The following AIM2 variants were observed in gnomAD, a reference collection of about 807,000 sequenced individuals.
AIM2 encodes the protein interferon-inducible protein AIM2.
In AIM2, 30 loss-of-function variants were observed where a neutral mutation model predicts 27.7. The observed-to-expected ratio is 1.08, with a 90% confidence interval of 0.81 to 1.47. The LOEUF (loss-of-function observed/expected upper bound fraction) is 1.47. Among genes scored for constraint, AIM2 ranks in the 40% most tolerant of loss-of-function variants. The pLI, the probability that AIM2 is intolerant of heterozygous loss-of-function variation, is 0.00. For missense variants in AIM2, 358 were observed against 411.3 expected (o/e 0.87, Z 1.12); for synonymous variants, 141 against 145.3 (o/e 0.97, Z 0.21).
chr1:159,067,830 T>C (rs559149765), intron 3 of AIM2, among the ~76,000 whole-genome samples: 13 of 152,140 alleles, frequency 8.5e-5, no homozygotes, highest in African/African-American at 3.1e-4. Flanking sequence ...TGAAACTGCA[T>C]GTGTGGTGGA....
intron 1 of AIM2, among the ~76,000 whole-genome samples, chr1:159,088,566 T>G (rs191471301): frequency 6.6e-6 from 1 of 152,340 alleles, no homozygotes; most frequent in East Asian, 1.9e-4. Flanking sequence ...TGACATGATT[T>G]AAATATTTGT....
intron 2 of AIM2, among the ~76,000 whole-genome samples, chr1:159,072,596 G>A (rs559910193): frequency 6.1e-4 from 93 of 152,322 alleles, no homozygotes; most frequent in Admixed American, 9.8e-4. Flanking sequence ...AGATGGAGAT[G>A]AGTGATTTAT....
intron 1 of AIM2, among the ~76,000 whole-genome samples, chr1:159,133,444 A>G (rs192789154): frequency 2.0e-5 from 3 of 152,314 alleles, no homozygotes; most frequent in Admixed American, 2.0e-4. Flanking sequence ...GACTCCTCAT[A>G]GCTTCCTCAC....
chr1:159,080,336 A>T (rs557547224), upstream of AIM2, among the ~76,000 whole-genome samples: 1 of 152,350 alleles, frequency 6.6e-6, no homozygotes, highest in East Asian at 1.9e-4. Context: ...TAAGTACTGC[A>T]TTGAACAGTT....
chr1:159,073,168 G>T, intron 2 of AIM2, 70 bp downstream of exon 2: 1 of 1,576,946 alleles, frequency 6.3e-7, no homozygotes, highest in South Asian at 1.1e-5. Flanking sequence ...ATATCCCAGG[G>T]ATGCCATGAA....
chr1:159,081,733 A>G (rs537408197), upstream of AIM2: 164 of 209,628 alleles, frequency 7.8e-4, no homozygotes, highest in African/African-American at 3.7e-3. Flanking sequence ...CTAAAAGGAC[A>G]ATTAAGTTAA....
At chr1:159,075,784 T>C (rs1389697830) in intron 1 of AIM2, among the ~76,000 whole-genome samples, 1 of 152,142 alleles carries the variant, frequency 6.6e-6, no homozygotes, top group Non-Finnish European at 1.5e-5. Context: ...TTATTAGCAA[T>C]TAATGACTTC....
intron 1 of AIM2, among the ~76,000 whole-genome samples, chr1:159,105,737 G>A (rs532812871): frequency 3.3e-5 from 5 of 152,250 alleles, no homozygotes; most frequent in Admixed American, 1.3e-4. Context: ...TAGTAGTCCC[G>A]ATGTCTATGT....
Position 159,084,820 on chromosome 1 carries a change from G to GAC in AIM2, c.-15-18493_-15-18492dup, listed in dbSNP as rs1491067197. ...ACACACACACACACACACACATACA[G>GAC]ACACACACACACATCCCTCAGAGAT... On this transcript the variant is annotated intron_variant, in intron 1 of 2. Coordinates refer to the AIM2 transcript ENST00000368129. Among the ~76,000 whole-genome samples, 477 of 59,452 alleles carry GAC rather than the reference G, an allele frequency of 8.0e-3. 5 individuals are homozygous for GAC. Among genetic ancestry groups the GAC allele is most frequent in the African/African-American group, 0.019 (448 of 23,052 alleles). The allele number at this position is 59,452 out of a possible 152,430, so 39.0% of individuals were successfully genotyped here.
At chr1:159,146,794 T>TA (rs1454666077) in intron 1 of AIM2, among the ~76,000 whole-genome samples, 4 of 152,156 alleles carry the variant, frequency 2.6e-5, no homozygotes, top group Admixed American at 1.3e-4. Context: ...CCGCTGTCGT[T>TA]AAAATCTACT....
intron 1 of AIM2, among the ~76,000 whole-genome samples, chr1:159,098,823 T>C (rs1489280758): frequency 6.6e-6 from 1 of 152,194 alleles, no homozygotes; most frequent in Non-Finnish European, 1.5e-5. Context: ...CTCTTTCTCA[T>C]GGAGCTTTAG....
At chr1:159,058,856 G>A (rs1012527646), downstream of AIM2, among the ~76,000 whole-genome samples, 2 of 152,056 alleles carry the variant, frequency 1.3e-5, no homozygotes, top group Non-Finnish European at 2.9e-5. Flanking sequence ...AAAGAGGGAT[G>A]GTCCACAAAG....
At chr1:159,092,593 A>G (rs755242000) in intron 1 of AIM2, among the ~76,000 whole-genome samples, 10 of 152,190 alleles carry the variant, frequency 6.6e-5, no homozygotes, top group Non-Finnish European at 1.3e-4. Context: ...CTCATGTCCT[A>G]AGTATTCTCT....
intron 1 of AIM2, among the ~76,000 whole-genome samples, chr1:159,084,293 C>T (rs2102002372): frequency 6.6e-6 from 1 of 152,180 alleles, no homozygotes. Flanking sequence ...AGGGCCTTCC[C>T]TCCTCCAAGC....
chr1:159,078,695 G>A (rs747701084), upstream of AIM2, among the ~76,000 whole-genome samples: 1 of 152,164 alleles, frequency 6.6e-6, no homozygotes, highest in Admixed American at 6.6e-5. Flanking sequence ...TACCCAACTT[G>A]GTGACACAAG....
At chr1:159,108,482 C>A (rs879150669) in intron 1 of AIM2, among the ~76,000 whole-genome samples, 1 of 152,114 alleles carries the variant, frequency 6.6e-6, no homozygotes, top group Non-Finnish European at 1.5e-5. Flanking sequence ...AGAACTGGAA[C>A]AAGAAAAGGA....
chr1:159,115,163 A>G (rs996520882), intron 1 of AIM2, among the ~76,000 whole-genome samples: 1 of 152,132 alleles, frequency 6.6e-6, no homozygotes, highest in Non-Finnish European at 1.5e-5. Context: ...ACTACAAACC[A>G]CTGCTCAACG....
intron 1 of AIM2, among the ~76,000 whole-genome samples, chr1:159,116,186 A>C (rs1260569651): frequency 6.6e-6 from 1 of 151,886 alleles, no homozygotes; most frequent in African/African-American, 2.4e-5. Flanking sequence ...GGAAACAACA[A>C]GTGCTGGACA....
At chr1:159,087,392 T>C (rs1656939849) in intron 1 of AIM2, among the ~76,000 whole-genome samples, 1 of 151,888 alleles carries the variant, frequency 6.6e-6, no homozygotes, top group East Asian at 1.9e-4. Flanking sequence ...GAAGGAACCA[T>C]ACTTGTGCTG....
Sources: gnomAD v4.1 joint callset for allele counts (sites outside exome capture counted in the v4.1 genomes callset) on GRCh38, gnomAD v4.1.1 for gene constraint, MANE v1.5 for transcripts, NCBI Gene and HGNC (gene_info 2026-07-23, HGNC 2026-07-21) for gene names.